Variants in LPAR6 observed in about 807,000 individuals in gnomAD.
The protein encoded by LPAR6 is G-protein coupled purinergic receptor P2Y5.
In LPAR6, 17 loss-of-function variants were observed where a neutral mutation model predicts 22.0. The ratio of observed to expected loss-of-function variants is 0.77; its 90% CI spans 0.53 to 1.16. The LOEUF is 1.16. Among genes scored for constraint, LPAR6 ranks in the 50% most tolerant of loss-of-function variants. LPAR6 has a pLI of 0.00. For synonymous variants in LPAR6, 136 were observed against 139.8 expected, an observed-to-expected ratio of 0.97 and a Z score of 0.19; for missense variants, 384 against 406.9, an observed-to-expected ratio of 0.94 and a Z score of 0.48.
At chr13:48,443,380 T>C (rs959955941) in intron 1 of LPAR6, among the ~76,000 whole-genome samples, 4 of 152,014 alleles carry the variant, frequency 2.6e-5, no homozygotes, top group African/African-American at 9.6e-5. Context: ...TAAAAAGAAG[T>C]TTAAAAGAGT....
chr13:48,422,363 G>A (rs1949019264), intron 2 of LPAR6, among the ~76,000 whole-genome samples: 1 of 152,164 alleles, frequency 6.6e-6, no homozygotes, highest in African/African-American at 2.4e-5. Flanking sequence ...ATCGGGGCCT[G>A]TCGGGGTTGG....
chr13:48,419,081 A>G (rs1394910826), intron 2 of LPAR6, among the ~76,000 whole-genome samples: 1 of 152,230 alleles, frequency 6.6e-6, no homozygotes, highest in Non-Finnish European at 1.5e-5. Flanking sequence ...TCAACAGAAT[A>G]GACATTCTTC....
At chr13:48,432,728 T>G (rs1345764503) in intron 1 of LPAR6, among the ~76,000 whole-genome samples, 1 of 152,198 alleles carries the variant, frequency 6.6e-6, no homozygotes, top group Non-Finnish European at 1.5e-5. Context: ...TTGTCCTAAC[T>G]ATGCTTGAGT....
At chr13:48,413,736 A>G (rs942516388), upstream of LPAR6, among the ~76,000 whole-genome samples, 4 of 152,132 alleles carry the variant, frequency 2.6e-5, no homozygotes, top group Admixed American at 2.0e-4. Flanking sequence ...TAAATTTTTA[A>G]ATTACTCATT....
intron 1 of LPAR6, among the ~76,000 whole-genome samples, chr13:48,433,682 A>T (rs1268812525): frequency 3.4e-5 from 5 of 147,136 alleles, no homozygotes; most frequent in African/African-American, 5.0e-5. Flanking sequence ...ACAAAAATGC[A>T]TTTTTTTTTT....
chr13:48,392,370 C>G (rs1948617514), intron 1 of LPAR6, among the ~76,000 whole-genome samples: 1 of 152,196 alleles, frequency 6.6e-6, no homozygotes, highest in Non-Finnish European at 1.5e-5. Context: ...CTTGGCTTCC[C>G]AAAGTGCTGG....
chr13:48,413,767 A>G (rs1948859076), upstream of LPAR6, among the ~76,000 whole-genome samples: 1 of 152,178 alleles, frequency 6.6e-6, no homozygotes, highest in Non-Finnish European at 1.5e-5. Flanking sequence ...AACAAACTCA[A>G]GAATGTTTAT....
At chr13:48,418,310 C>T (rs989000304) in intron 2 of LPAR6, among the ~76,000 whole-genome samples, 8 of 152,190 alleles carry the variant, frequency 5.3e-5, no homozygotes, top group African/African-American at 1.9e-4. Flanking sequence ...GAAATAAAAT[C>T]CTTCACAGAT....
chr13:48,404,322 T>A (rs951113760), intron 1 of LPAR6: 2 of 152,140 alleles, frequency 1.3e-5, no homozygotes, highest in Non-Finnish European at 2.9e-5. Flanking sequence ...AACAAAGTAT[T>A]GTACTGGTAG....
chr13:48,420,658 C>T (rs1031761343), intron 2 of LPAR6, among the ~76,000 whole-genome samples: 4 of 152,188 alleles, frequency 2.6e-5, no homozygotes, highest in African/African-American at 9.7e-5. Flanking sequence ...AGCCCAAAAT[C>T]TCCTTAAGCT....
chr13:48,413,303 CT>C (rs1286375805), upstream of LPAR6, among the ~76,000 whole-genome samples: 1 of 152,200 alleles, frequency 6.6e-6, no homozygotes, highest in East Asian at 1.9e-4. Flanking sequence ...TGCTCATTAA[CT>C]CTTTTTATGT....
chr13:48,423,203 T>G (rs1267731275), intron 1 of LPAR6, among the ~76,000 whole-genome samples: 1 of 152,200 alleles, frequency 6.6e-6, no homozygotes, highest in African/African-American at 2.4e-5. Flanking sequence ...TTTTTAAAAT[T>G]TAATGACATC....
chr13:48,408,514 CT>C (rs575436081), downstream of LPAR6: 3 of 152,022 alleles, frequency 2.0e-5, no homozygotes, highest in Admixed American at 6.6e-5. Context: ...GGGCTTAGTG[CT>C]ATCATTTTCA....
intron 1 of LPAR6, among the ~76,000 whole-genome samples, chr13:48,392,481 A>G (rs1286843755): frequency 1.3e-5 from 2 of 152,030 alleles, no homozygotes; most frequent in African/African-American, 4.8e-5. Flanking sequence ...TACCTTCTAA[A>G]GCTATGTCTT....
intron 1 of LPAR6, among the ~76,000 whole-genome samples, chr13:48,438,019 A>G (rs552101940): frequency 6.6e-6 from 1 of 152,296 alleles, no homozygotes; most frequent in African/African-American, 2.4e-5. Flanking sequence ...TCAATATTCT[A>G]GAAATATTTA....
chr13:48,425,827 A>G (rs1949071602), intron 1 of LPAR6, among the ~76,000 whole-genome samples: 2 of 152,164 alleles, frequency 1.3e-5, no homozygotes, highest in Admixed American at 6.5e-5. Flanking sequence ...CTCCCCACTA[A>G]TTTTCAATGA....
intron 1 of LPAR6, chr13:48,389,875 C>G (rs1247954182): frequency 6.6e-6 from 1 of 152,320 alleles, no homozygotes; most frequent in East Asian, 1.9e-4. Context: ...GGATATTTGG[C>G]AGGGTGCAGT....
At chr13:48,416,018 C>T (rs1182094656), upstream of LPAR6, among the ~76,000 whole-genome samples, 1 of 152,162 alleles carries the variant, frequency 6.6e-6, no homozygotes, top group Non-Finnish European at 1.5e-5. Flanking sequence ...TTGATAAACT[C>T]AGGCAAACTG....
At chr13:48,413,790 GTTAATTTT>G (rs1261244154), upstream of LPAR6, among the ~76,000 whole-genome samples, 6 of 152,068 alleles carry the variant, frequency 3.9e-5, no homozygotes, top group African/African-American at 1.4e-4. Context: ...TTGGTGTGGT[GTTAATTTT>G]ACTTTCTAAG....
Sources: allele counts gnomAD v4.1 joint callset (sites outside exome capture counted in the v4.1 genomes callset), GRCh38; gene constraint gnomAD v4.1.1; transcripts MANE v1.5; gene names NCBI Gene and HGNC (gene_info 2026-07-23, HGNC 2026-07-21).